Variants in NHSL3 observed in about 807,000 individuals in gnomAD.
NHSL3 encodes NHS like 3.
the NHSL3 span, among the ~76,000 whole-genome samples, chr1:32,754,466 C>T: frequency 6.6e-6 from 1 of 151,600 alleles, no homozygotes; most frequent in Admixed American, 6.6e-5. Context: ...CCCACACTCT[C>T]GTACCATCGC....
chr1:32,768,973 G>A, the NHSL3 span: 13 of 650,860 alleles, frequency 2.0e-5, no homozygotes, highest in Admixed American at 9.8e-5. Context: ...CTTGGCGGCC[G>A]GGTGCGGTGG....
chr1:32,755,951 C>T, the NHSL3 span, among the ~76,000 whole-genome samples: 1 of 152,076 alleles, frequency 6.6e-6, no homozygotes, highest in African/African-American at 2.4e-5. Flanking sequence ...TAACTGTGGG[C>T]CCAGACTTGT....
the NHSL3 span, among the ~76,000 whole-genome samples, chr1:32,758,889 C>G: frequency 6.6e-6 from 1 of 152,142 alleles, no homozygotes; most frequent in African/African-American, 2.4e-5. Flanking sequence ...GAATTCCCTT[C>G]CTTCCCAAAC....
chr1:32,768,817 G>T, the NHSL3 span: 1 of 1,600,264 alleles, frequency 6.2e-7, no homozygotes, highest in South Asian at 1.1e-5. Context: ...GGCTCCATTG[G>T]GTCCCAGCAT....
the NHSL3 span, among the ~76,000 whole-genome samples, chr1:32,762,823 C>T: frequency 6.6e-6 from 1 of 152,016 alleles, no homozygotes; most frequent in African/African-American, 2.4e-5. Flanking sequence ...CTCCTGACCT[C>T]GTGATCCACC....
At chr1:32,754,307 AC>A in the NHSL3 span, 14 of 571,324 alleles carry the variant, frequency 2.5e-5, no homozygotes, top group East Asian at 4.3e-4. Flanking sequence ...CCCCGCGCAG[AC>A]CCCACCCCTC....
At chr1:32,749,229 C>T in the NHSL3 span, among the ~76,000 whole-genome samples, 2 of 152,148 alleles carry the variant, frequency 1.3e-5, no homozygotes, top group Admixed American at 1.3e-4. Flanking sequence ...GCACTGGCCT[C>T]AGGCAAAGCA....
At chr1:32,765,692 T>C in the NHSL3 span, 5 of 1,540,066 alleles carry the variant, frequency 3.2e-6, no homozygotes, top group South Asian at 3.6e-5. Context: ...AGTGCTGGGT[T>C]ACAGTGAAGG....
the NHSL3 span, chr1:32,741,968 C>T: frequency 2.7e-6 from 3 of 1,112,974 alleles, no homozygotes; most frequent in Non-Finnish European, 3.3e-6. The surrounding 1 kb of genome is among the most constrained non-coding windows in gnomAD (Gnocchi z 4.3). Context: ...GCGGCCCGCG[C>T]GCCCCCCGCC....
the NHSL3 span, among the ~76,000 whole-genome samples, chr1:32,751,699 G>A: frequency 3.3e-5 from 5 of 152,174 alleles, no homozygotes; most frequent in Non-Finnish European, 5.9e-5. Context: ...GCAGGGCATT[G>A]AGAATGAAAA....
At chr1:32,744,578 A>G in the NHSL3 span, among the ~76,000 whole-genome samples, 1 of 152,290 alleles carries the variant, frequency 6.6e-6, no homozygotes, top group Non-Finnish European at 1.5e-5. Context: ...CACTTTACAG[A>G]TGGGAAATGG....
the NHSL3 span, among the ~76,000 whole-genome samples, chr1:32,766,928 A>G: frequency 6.6e-6 from 1 of 152,098 alleles, no homozygotes; most frequent in East Asian, 1.9e-4. Flanking sequence ...CCTCCAGGAG[A>G]GGGGGATACC....
the NHSL3 span, among the ~76,000 whole-genome samples, chr1:32,750,355 C>T: frequency 1.3e-5 from 2 of 152,182 alleles, no homozygotes; most frequent in African/African-American, 4.8e-5. Flanking sequence ...GCGATAGAGA[C>T]AGCTCAGCTC....
chr1:32,743,302 AG>A, the NHSL3 span, among the ~76,000 whole-genome samples: 2 of 152,186 alleles, frequency 1.3e-5, no homozygotes. Flanking sequence ...GAGAGTTAGA[AG>A]GAACACTTTA....
chr1:32,748,970 T>C, the NHSL3 span, among the ~76,000 whole-genome samples: 3 of 152,158 alleles, frequency 2.0e-5, no homozygotes, highest in African/African-American at 4.8e-5. Flanking sequence ...TTCACAGATA[T>C]TTCCTAAGTG....
At chr1:32,770,594 C>T in the NHSL3 span, 1 of 1,518,206 alleles carries the variant, frequency 6.6e-7, no homozygotes, top group African/African-American at 1.4e-5. The surrounding 1 kb of genome is among the most constrained non-coding windows in gnomAD (Gnocchi z 8.3). Context: ...ACTGCTGAGG[C>T]CTCAGACACA....
At chr1:32,762,818 G>C in the NHSL3 span, among the ~76,000 whole-genome samples, 2 of 151,980 alleles carry the variant, frequency 1.3e-5, no homozygotes, top group African/African-American at 4.8e-5. Flanking sequence ...TCAAACTCCT[G>C]ACCTCGTGAT....
the NHSL3 span, among the ~76,000 whole-genome samples, chr1:32,763,840 C>T: frequency 6.6e-6 from 1 of 152,180 alleles, no homozygotes; most frequent in Admixed American, 6.5e-5. Context: ...TCCCAAAGTG[C>T]TGGGATTACA....
the NHSL3 span, among the ~76,000 whole-genome samples, chr1:32,752,900 T>G: frequency 3.3e-5 from 3 of 91,236 alleles, no homozygotes; most frequent in Admixed American, 1.2e-4. Context: ...AAAAAAAACA[T>G]GCACACACAC....
Sources: allele counts gnomAD v4.1 joint callset (sites outside exome capture counted in the v4.1 genomes callset), GRCh38; gene constraint gnomAD v4.1.1; non-coding constraint Gnocchi (gnomAD v3.1); transcripts MANE v1.5; gene names NCBI Gene and HGNC (gene_info 2026-07-23, HGNC 2026-07-21).